The following FAM124A variants were observed in gnomAD, a reference collection of about 807,000 sequenced individuals.
The protein encoded by FAM124A is family with sequence similarity 124 member A.
A neutral mutation model predicts 24.5 loss-of-function variants in FAM124A; 23 were observed. The observed-to-expected ratio is 0.94, with a 90% CI of 0.68 to 1.33. The LOEUF (loss-of-function observed/expected upper bound fraction) is 1.33, where lower values mean the gene tolerates loss of function less well. FAM124A is among the 40% of genes most tolerant of loss of function. The pLI, the probability that FAM124A is intolerant of heterozygous loss-of-function variation, is 0.00. For synonymous variants in FAM124A, 287 were observed against 314.7 expected, an observed-to-expected ratio of 0.91 and a Z score of 0.93; for missense variants, 623 against 722.8, an observed-to-expected ratio of 0.86 and a Z score of 1.58.
intron 2 of FAM124A, among the ~76,000 whole-genome samples, chr13:51,250,802 T>A (rs991318018): frequency 1.4e-4 from 21 of 152,214 alleles, no homozygotes; most frequent in African/African-American, 4.8e-4. Context: ...CAACATGATC[T>A]TGGCCAGGAC....
intron 1 of FAM124A, among the ~76,000 whole-genome samples, chr13:51,224,229 G>A (rs1009910508): frequency 2.0e-5 from 3 of 152,240 alleles, no homozygotes; most frequent in African/African-American, 7.2e-5. Flanking sequence ...AGCACTTTGG[G>A]TGGCCGAGGT....
intron 3 of FAM124A, among the ~76,000 whole-genome samples, chr13:51,271,179 G>C (rs940238777): frequency 5.3e-5 from 8 of 152,160 alleles, no homozygotes; most frequent in African/African-American, 1.9e-4. Context: ...TAACATAGTA[G>C]GGATAAGACA....
chr13:51,241,046 T>C, intron 2 of FAM124A, among the ~76,000 whole-genome samples: 1 of 152,260 alleles, frequency 6.6e-6, no homozygotes, highest in East Asian at 1.9e-4. Flanking sequence ...TCTAGGTTTT[T>C]AGCCTTTCCT....
At chr13:51,249,422 C>T (rs1278695715) in intron 2 of FAM124A, among the ~76,000 whole-genome samples, 1 of 152,206 alleles carries the variant, frequency 6.6e-6, no homozygotes, top group Non-Finnish European at 1.5e-5. Flanking sequence ...AACTTGACTC[C>T]GCTCTTACCT....
chr13:51,261,434 C>A (rs542886669), intron 3 of FAM124A, among the ~76,000 whole-genome samples: 2 of 152,282 alleles, frequency 1.3e-5, no homozygotes, highest in South Asian at 4.1e-4. Flanking sequence ...TGAAAGCCAC[C>A]CCCAGAAAAT....
chr13:51,246,407 G>GC (rs1351203294), intron 2 of FAM124A, among the ~76,000 whole-genome samples: 1 of 145,434 alleles, frequency 6.9e-6, no homozygotes, highest in Non-Finnish European at 1.5e-5. Context: ...CGTGGGGTGG[G>GC]GGGGGGTGTA....
At chr13:51,247,284 C>A (rs1326256958) in intron 2 of FAM124A, among the ~76,000 whole-genome samples, 1 of 152,238 alleles carries the variant, frequency 6.6e-6, no homozygotes, top group Non-Finnish European at 1.5e-5. Flanking sequence ...CACTTCTCTG[C>A]AGAGCCTGGG....
rs781447736 is a variant in FAM124A at position 51,231,357 on chromosome 13, C to T, written c.78C>T (p.Tyr26=). The T allele has an allele frequency of 1.2e-5, 19 of 1,613,842 alleles. No homozygotes were observed. The African/African-American group carries it at 1.2e-4, about 10-fold the overall frequency. Reference sequence around the variant, plus strand: ...AGGTCTTGTGTTTCAGGTCCGACTACAGCCACCTGTCCTCCACGAGCAGTA... The same window carrying T: ...AGGTCTTGTGTTTCAGGTCCGACTATAGCCACCTGTCCTCCACGAGCAGTA... The part of the protein sequence containing the change: ...DSGAETGGSD[Y]SHLSSTSSEL... The change falls in exon 2 of 4, where the codon TAC becomes TAT. Residue 26 remains tyrosine (Y), a synonymous_variant. Coordinates refer to ENST00000322475, the MANE Select transcript of FAM124A (RefSeq NM_001242312.2).
intron 2 of FAM124A, among the ~76,000 whole-genome samples, chr13:51,236,151 G>A (rs1269682298): frequency 6.6e-6 from 1 of 152,168 alleles, no homozygotes; most frequent in Non-Finnish European, 1.5e-5. Flanking sequence ...CTGCTGCTCT[G>A]GGCCCCTGGA....
chr13:51,222,668 C>T, intron 1 of FAM124A, 99 bp downstream of exon 1: 1 of 1,103,002 alleles, frequency 9.1e-7, no homozygotes, highest in Admixed American at 4.5e-5. Context: ...GCGACGGGAC[C>T]GGGGCGCGGG....
chr13:51,235,438 T>C (rs549331194), intron 2 of FAM124A, among the ~76,000 whole-genome samples: 2 of 152,122 alleles, frequency 1.3e-5, no homozygotes, highest in Non-Finnish European at 2.9e-5. Context: ...GCATCATGTG[T>C]GATTGAATAT....
rs1954269119 is a variant in FAM124A, at chr13:51,222,409, G to C, written c.-93G>C. The stretch of plus-strand genomic sequence containing the variant: ...GCTCCCGGGCCGCCAGACGCTCGGA[G>C]GGAGCCCGGCCGGCTCGGACTGGGC... On this transcript the variant is annotated 5_prime_UTR_variant, in exon 1 of 4. Coordinates refer to ENST00000322475, the MANE Select transcript of FAM124A (RefSeq NM_001242312.2). The C allele has an allele frequency of 1.8e-6, 2 of 1,091,694 alleles. No individual in the cohort carries two copies. Among genetic ancestry groups the C allele is most frequent in the South Asian group, 4.5e-5 (1 of 22,276 alleles). 67.6% of individuals were successfully genotyped at this position (1,091,694 alleles called of 1,614,324 possible). A position where few individuals can be genotyped will look rare whatever the true frequency, so the allele number is the denominator to read the frequency against.
At position 51,284,067 on chromosome 13, in the gene FAM124A, C is replaced by A. The variant is rs561875813; in HGVS notation, c.*2811C>A. The A allele has an allele frequency of 6.6e-6, 1 of 152,340 alleles. No homozygotes were observed. Among genetic ancestry groups the A allele is most frequent in the African/African-American group, 2.4e-5 (1 of 41,556 alleles). 9.4% of individuals were successfully genotyped at this position (152,340 alleles called of 1,614,324 possible). ...CAGTCCCTCCACGGAGAGGGAATCA[C>A]AGGAACACATTTACCAAAGCCTTCC... On this transcript the variant is annotated 3_prime_UTR_variant, in exon 4 of 4. Coordinates refer to ENST00000322475, the MANE Select transcript of FAM124A (RefSeq NM_001242312.2).
intron 2 of FAM124A, among the ~76,000 whole-genome samples, chr13:51,238,366 G>A (rs758362092): frequency 1.1e-4 from 16 of 152,152 alleles, no homozygotes; most frequent in African/African-American, 2.9e-4. Context: ...GAGGAGCACC[G>A]AGCTAGCCCA....
intron 3 of FAM124A, among the ~76,000 whole-genome samples, chr13:51,279,492 T>C (rs1179875159): frequency 1.3e-5 from 2 of 152,202 alleles, no homozygotes; most frequent in African/African-American, 4.8e-5. Flanking sequence ...ACCCATTATT[T>C]AATTGAAACC....
chr13:51,252,859 G>A (rs1252750499), intron 3 of FAM124A: 2 of 152,476 alleles, frequency 1.3e-5, no homozygotes, highest in African/African-American at 2.4e-5. Flanking sequence ...TTCATTTTAA[G>A]TAGGCTGCCC....
At chr13:51,224,932 G>C (rs780641680) in intron 1 of FAM124A, among the ~76,000 whole-genome samples, 1 of 152,024 alleles carries the variant, frequency 6.6e-6, no homozygotes, top group Non-Finnish European at 1.5e-5. Flanking sequence ...CTCTTTGCCA[G>C]CTCTGCCCTT....
rs1053986395 is a variant in FAM124A at position 51,281,278 on chromosome 13, G to A, written c.*22G>A. On this transcript the variant is annotated 3_prime_UTR_variant, in exon 4 of 4. Transcript: ENST00000322475. Reference sequence around the variant, plus strand: ...CTGAATGCCCTCTGCTCTTGTTCTCGAAACACACAAACTCAGAGACACAGA... The same window carrying A: ...CTGAATGCCCTCTGCTCTTGTTCTCAAAACACACAAACTCAGAGACACAGA... 26 of 1,529,560 alleles carry A rather than the reference G, an allele frequency of 1.7e-5. No individual in the cohort carries two copies. Among genetic ancestry groups the A allele is most frequent in the Non-Finnish European group, 2.1e-5 (24 of 1,143,422 alleles). 94.7% of individuals were successfully genotyped at this position (1,529,560 alleles called of 1,614,324 possible).
intron 3 of FAM124A, among the ~76,000 whole-genome samples, chr13:51,271,231 G>A (rs1372724142): frequency 2.6e-5 from 4 of 152,128 alleles, no homozygotes; most frequent in African/African-American, 9.7e-5. Flanking sequence ...CGCCTCTCCC[G>A]CTAGCTTTCT....
Sources: gnomAD v4.1 joint callset for allele counts (sites outside exome capture counted in the v4.1 genomes callset) on GRCh38, gnomAD v4.1.1 for gene constraint, MANE v1.5 for transcripts, NCBI Gene and HGNC (gene_info 2026-07-23, HGNC 2026-07-21) for gene names.